Variants in DCDC1 observed in about 807,000 individuals in gnomAD.
The protein encoded by DCDC1 is doublecortin domain-containing protein 1.
A neutral mutation model predicts 178.3 loss-of-function variants in DCDC1; 200 were observed. The ratio of observed to expected loss-of-function variants is 1.12; its 90% CI spans 1.00 to 1.26. DCDC1 has a LOEUF of 1.26. DCDC1 is among the 50% of genes most tolerant of loss of function. DCDC1 has a pLI of 0.00. For missense variants in DCDC1, 1,983 were observed against 1,749.2 expected (o/e 1.13, Z -2.38); for synonymous variants, 690 against 604.8 (o/e 1.14, Z -2.07).
At chr11:30,995,719 A>G (rs1157570589) in intron 20 of DCDC1, among the ~76,000 whole-genome samples, 1 of 152,160 alleles carries the variant, frequency 6.6e-6, no homozygotes, top group Non-Finnish European at 1.5e-5. Context: ...AAAACAAAAA[A>G]TAAGACAAAA....
intron 17 of DCDC1, among the ~76,000 whole-genome samples, chr11:31,091,185 C>T (rs1957799526): frequency 6.6e-6 from 1 of 152,164 alleles, no homozygotes; most frequent in South Asian, 2.1e-4. Flanking sequence ...CAACATTTCA[C>T]CTTTTAAATA....
intron 7 of DCDC1, among the ~76,000 whole-genome samples, chr11:31,272,305 G>C (rs190502573): frequency 6.6e-5 from 10 of 152,254 alleles, no homozygotes; most frequent in Non-Finnish European, 1.3e-4. Context: ...GATTTGGGTA[G>C]GGACATAGCC....
intron 12 of DCDC1, among the ~76,000 whole-genome samples, chr11:31,109,230 C>A (rs879315967): frequency 1.3e-5 from 2 of 151,692 alleles, no homozygotes; most frequent in Non-Finnish European, 2.9e-5. Context: ...GTGATCCCCC[C>A]ACCTCAGCCC....
chr11:30,964,025 C>T (rs141583439), intron 20 of DCDC1, among the ~76,000 whole-genome samples: 251 of 152,230 alleles, frequency 1.6e-3, no homozygotes, highest in African/African-American at 5.6e-3. Context: ...CTTCAAGGAA[C>T]ACTCCTATAG....
intron 20 of DCDC1, among the ~76,000 whole-genome samples, chr11:30,978,482 TC>T (rs1950215992): frequency 1.3e-5 from 2 of 152,188 alleles, no homozygotes; most frequent in African/African-American, 4.8e-5. Flanking sequence ...TATTTGTACA[TC>T]TTTTTTATTG....
In DCDC1 at chr11:31,295,381, C is replaced by G. The variant is rs184066952; in HGVS notation, c.755-4529G>C. 6.7e-4 allele frequency among the ~76,000 whole-genome samples: 102 copies of G among 152,198 alleles called. 1 individual carries two copies. Among genetic ancestry groups the G allele is most frequent in the Non-Finnish European group, 7.6e-4 (52 of 68,006 alleles). On this transcript the variant is annotated intron_variant, in intron 6 of 38. Transcript: ENST00000684477. ...TGTAGTAGACACTGTTGGTGCCCCCCCAAGGTGCCTTTTAGCAGGCTAGTG... is the reference window on the plus strand; with the variant it reads ...TGTAGTAGACACTGTTGGTGCCCCCGCAAGGTGCCTTTTAGCAGGCTAGTG...
intron 22 of DCDC1, among the ~76,000 whole-genome samples, chr11:30,927,088 G>A (rs1190336711): frequency 6.6e-6 from 1 of 152,010 alleles, no homozygotes; most frequent in Non-Finnish European, 1.5e-5. Context: ...GAGAAGCTAT[G>A]GTCATGTGCT....
chr11:31,053,740 A>G (rs1218991652), intron 20 of DCDC1, among the ~76,000 whole-genome samples: 1 of 152,178 alleles, frequency 6.6e-6, no homozygotes, highest in East Asian at 1.9e-4. Context: ...ATCTCAATAG[A>G]TGGAGAAAAA....
At chr11:31,033,880 C>A in intron 20 of DCDC1, among the ~76,000 whole-genome samples, 1 of 152,098 alleles carries the variant, frequency 6.6e-6, no homozygotes, top group East Asian at 1.9e-4. Flanking sequence ...GTGGCTCATG[C>A]CTGTAATCAA....
intron 9 of DCDC1, chr11:31,155,971 G>A (rs1965682605): frequency 6.6e-6 from 1 of 152,176 alleles, no homozygotes; most frequent in Admixed American, 6.5e-5. Context: ...TAGAACTCTT[G>A]ATGACTGGAA....
At chr11:31,091,117 T>A (rs182488132) in intron 17 of DCDC1, among the ~76,000 whole-genome samples, 14 of 152,296 alleles carry the variant, frequency 9.2e-5, no homozygotes, top group Admixed American at 6.5e-4. Context: ...AGAAATGAGT[T>A]CTGATAATTA....
intron 11 of DCDC1, among the ~76,000 whole-genome samples, chr11:31,115,979 A>G (rs866720379): frequency 9.2e-4 from 9 of 9,832 alleles, no homozygotes; most frequent in African/African-American, 3.5e-3. Flanking sequence ...TAGCTGTGGC[A>G]GTGGGGGGGG....
chr11:31,260,145 A>G (rs1315502901), intron 8 of DCDC1, among the ~76,000 whole-genome samples: 2 of 152,174 alleles, frequency 1.3e-5, no homozygotes, highest in African/African-American at 4.8e-5. Flanking sequence ...AGGCATCCAG[A>G]AGCCATCTGG....
intron 8 of DCDC1, chr11:31,263,219 T>G: frequency 1.4e-6 from 1 of 700,884 alleles, no homozygotes; most frequent in Non-Finnish European, 2.2e-6. Flanking sequence ...CCAGGTGAAC[T>G]GGAAATAATT....
In DCDC1 at chr11:30,909,276, C is replaced by T. The variant is rs538923697; in HGVS notation, c.3748-160G>A. On this transcript the variant is annotated intron_variant, in intron 28 of 38. Coordinates refer to ENST00000684477, the MANE Select transcript of DCDC1 (RefSeq NM_001387274.1). The stretch of plus-strand genomic sequence containing the variant: ...AAATTTTAGTGATTAGACATGCAAT[C>T]TTTTATATGTTTATAAATACACATT... 2.0e-5 allele frequency among the ~76,000 whole-genome samples: 3 copies of T among 152,168 alleles called. No individual in the cohort carries two copies. The East Asian group carries it at 5.8e-4, about 29-fold the overall frequency.
intron 20 of DCDC1, among the ~76,000 whole-genome samples, chr11:31,045,986 C>G (rs943552629): frequency 6.6e-6 from 1 of 152,102 alleles, no homozygotes; most frequent in African/African-American, 2.4e-5. Flanking sequence ...ATTTAGATGT[C>G]ACTAGTTATG....
intron 6 of DCDC1, among the ~76,000 whole-genome samples, chr11:31,303,293 A>G (rs1948234665): frequency 6.6e-6 from 1 of 152,216 alleles, no homozygotes; most frequent in Non-Finnish European, 1.5e-5. Context: ...ATGACCAGTT[A>G]TCAATTGTAT....
intron 20 of DCDC1, among the ~76,000 whole-genome samples, chr11:30,960,389 T>C (rs1165179293): frequency 6.6e-6 from 1 of 152,160 alleles, no homozygotes; most frequent in Non-Finnish European, 1.5e-5. Context: ...ACTGCAGAGT[T>C]CTGACACAGA....
intron 28 of DCDC1, 69 bp from the exon 29 acceptor site, chr11:30,909,185 G>C (rs1201140451): frequency 7.4e-7 from 1 of 1,359,090 alleles, no homozygotes; most frequent in African/African-American, 1.5e-5. Flanking sequence ...GTTTTTCATT[G>C]CATATATCCA....
Sources: gnomAD v4.1 joint callset for allele counts (sites outside exome capture counted in the v4.1 genomes callset) on GRCh38, gnomAD v4.1.1 for gene constraint, MANE v1.5 for transcripts, NCBI Gene and HGNC (gene_info 2026-07-23, HGNC 2026-07-21) for gene names.